NEO1: variants seen among roughly 807,000 people sequenced by gnomAD.
NEO1 encodes neogenin 1, also known as neogenin.
In NEO1, 63 loss-of-function variants were observed where a neutral mutation model predicts 159.7. The ratio of observed to expected loss-of-function variants is 0.39; its 90% CI spans 0.32 to 0.49. The LOEUF is 0.49. Ranked by LOEUF, NEO1 falls within the 20% of genes least tolerant of loss-of-function variation. NEO1 has a pLI of 0.85. For missense variants in NEO1, 1,615 were observed against 1,831.0 expected, an observed-to-expected ratio of 0.88 and a Z score of 2.15; for synonymous variants, 633 against 662.0, an observed-to-expected ratio of 0.96 and a Z score of 0.67.
chr15:73,248,375 C>A (rs775507147), intron 9 of NEO1, among the ~76,000 whole-genome samples: 10 of 152,156 alleles, frequency 6.6e-5, no homozygotes, highest in Non-Finnish European at 8.8e-5. Flanking sequence ...GAGGGTTCTT[C>A]ACTATCTGAC....
At chr15:73,138,487 T>G (rs1380600631) in intron 5 of NEO1, among the ~76,000 whole-genome samples, 1 of 151,632 alleles carries the variant, frequency 6.6e-6, no homozygotes, top group Non-Finnish European at 1.5e-5. Context: ...CCGGGCGCGG[T>G]GGCTCGCGCC....
Position 73,067,963 on chromosome 15 carries a change from T to A in NEO1, c.130+15158T>A, listed in dbSNP as rs886278734. On this transcript the variant is annotated intron_variant, in intron 1 of 28. Transcript: ENST00000261908. Reference sequence around the variant, plus strand: ...TTGTGTGGGTTCCTGTTCTAATATTTCAGGTATAGATGAAAGAAGAGAAAG... The same window carrying A: ...TTGTGTGGGTTCCTGTTCTAATATTACAGGTATAGATGAAAGAAGAGAAAG... Among the ~76,000 whole-genome samples the A allele has an allele frequency of 2.9e-4, 44 of 152,158 alleles. 1 individual carries two copies. The highest frequency in any genetic ancestry group is 2.4e-3 in the Admixed American group (36 of 15,264).
chr15:73,096,712 T>C (rs2070058825), intron 1 of NEO1, among the ~76,000 whole-genome samples: 1 of 152,186 alleles, frequency 6.6e-6, no homozygotes, highest in Non-Finnish European at 1.5e-5. Context: ...AGGGTGACTT[T>C]GTGAGAGTTT....
At chr15:73,099,969 A>T (rs2070306632) in intron 1 of NEO1, among the ~76,000 whole-genome samples, 1 of 152,160 alleles carries the variant, frequency 6.6e-6, no homozygotes, top group South Asian at 2.1e-4. Context: ...TTGTATACTT[A>T]CTGTTCACTT....
At chr15:73,294,028 CGAG>C (rs1426461390) in intron 26 of NEO1, among the ~76,000 whole-genome samples, 1 of 152,068 alleles carries the variant, frequency 6.6e-6, no homozygotes, top group East Asian at 1.9e-4. Context: ...CCACCAGCCA[CGAG>C]GAGTTGTGTG....
chr15:73,264,782 A>G (rs1048136050), intron 15 of NEO1, among the ~76,000 whole-genome samples: 2 of 152,228 alleles, frequency 1.3e-5, no homozygotes, highest in Non-Finnish European at 1.5e-5. Flanking sequence ...GCCCAAAATT[A>G]AAGTTAATGC....
intron 5 of NEO1, among the ~76,000 whole-genome samples, chr15:73,163,525 A>G (rs1178782732): frequency 1.3e-5 from 2 of 152,148 alleles, no homozygotes; most frequent in Non-Finnish European, 2.9e-5. Flanking sequence ...TTGCTCTGCA[A>G]ATTGCTTTTT....
In NEO1 at chr15:73,267,519, C is replaced by T. The variant is rs1016154689; in HGVS notation, c.2494+1108C>T. Among the ~76,000 whole-genome samples the T allele has an allele frequency of 2.7e-4, 40 of 150,910 alleles. No homozygotes were observed. In the East Asian group the frequency reaches 7.6e-3, roughly 29 times the overall value. Reference sequence around the variant, plus strand: ...TCTTCATTTAACATTAGGTATATCTCCTAATGCTATCCCTCCCCCTCCCCC... The same window carrying T: ...TCTTCATTTAACATTAGGTATATCTTCTAATGCTATCCCTCCCCCTCCCCC... On this transcript the variant is annotated intron_variant, in intron 16 of 28. Coordinates refer to ENST00000261908, the MANE Select transcript of NEO1 (RefSeq NM_002499.4).
chr15:73,205,445 G>A (rs2037156030), intron 7 of NEO1, among the ~76,000 whole-genome samples: 2 of 152,130 alleles, frequency 1.3e-5, no homozygotes, highest in Admixed American at 1.3e-4. Flanking sequence ...TTTCATGATG[G>A]TTACTCTTCC....
chr15:73,052,704 T>A lies in NEO1; in HGVS notation c.29T>A (p.Leu10His). MAAERGARRLLSTPSFWLYC... is the reference protein window; with the variant it reads MAAERGARRHLSTPSFWLYC... ...GCGGCGGAGCGGGGAGCCCGGCGAC[T>A]CCTCAGCACCCCCTCCTTCTGGCTC... The change falls in exon 1 of 29, where the codon CTC becomes CAC. Residue 10 changes from leucine to histidine, a missense_variant. By Grantham distance (99) the Leu-to-His change is moderately conservative (BLOSUM62 -3). Coordinates refer to ENST00000261908, the MANE Select transcript of NEO1 (RefSeq NM_002499.4). The A allele has an allele frequency of 7.4e-7, 1 of 1,350,742 alleles. No homozygotes were observed. The highest frequency in any genetic ancestry group is 2.8e-5 in the Admixed American group (1 of 35,828). The allele number at this position is 1,350,742 out of a possible 1,614,324, so 83.7% of individuals were successfully genotyped here.
At chr15:73,141,614 T>G (rs1157145907) in intron 5 of NEO1, among the ~76,000 whole-genome samples, 1 of 152,252 alleles carries the variant, frequency 6.6e-6, no homozygotes, top group Non-Finnish European at 1.5e-5. Context: ...CCCTTTGACA[T>G]TGTAAATACC....
chr15:73,193,365 A>G (rs1409927575), intron 7 of NEO1, among the ~76,000 whole-genome samples: 1 of 151,994 alleles, frequency 6.6e-6, no homozygotes, highest in Non-Finnish European at 1.5e-5. Flanking sequence ...CAGTTAAGTG[A>G]CTTGCCATAA....
chr15:73,171,631 T>TATG (rs1555443744), intron 5 of NEO1, among the ~76,000 whole-genome samples: 1 of 146,800 alleles, frequency 6.8e-6, no homozygotes, highest in Non-Finnish European at 1.5e-5. Flanking sequence ...TTATTATTAT[T>TATG]ATTATTATTA....
chr15:73,281,005 A>T (rs1209247773), intron 22 of NEO1, among the ~76,000 whole-genome samples: 1 of 151,668 alleles, frequency 6.6e-6, no homozygotes, highest in Non-Finnish European at 1.5e-5. Flanking sequence ...GGAGATCGAG[A>T]CCATCCTGGC....
At chr15:73,186,126 C>T (rs2035908087) in intron 7 of NEO1, among the ~76,000 whole-genome samples, 1 of 150,380 alleles carries the variant, frequency 6.6e-6, no homozygotes, top group African/African-American at 2.4e-5. Context: ...AGACACATTA[C>T]ATACAGAGGA....
At chr15:73,221,255 A>G (rs34953385) in intron 7 of NEO1, among the ~76,000 whole-genome samples, 43,905 of 152,052 alleles carry the variant, frequency 0.29, 7,410 homozygotes, top group East Asian at 0.57. Context: ...TTCGTGAACC[A>G]CGAATGCTGC....
At chr15:73,161,477 G>T (rs952850481) in intron 5 of NEO1, among the ~76,000 whole-genome samples, 4 of 152,098 alleles carry the variant, frequency 2.6e-5, no homozygotes, top group Non-Finnish European at 4.4e-5. Flanking sequence ...AAATGCCGAG[G>T]TTATTTCATG....
chr15:73,267,319 T>C (rs1037074728), intron 16 of NEO1, among the ~76,000 whole-genome samples: 3 of 152,238 alleles, frequency 2.0e-5, no homozygotes, highest in African/African-American at 7.2e-5. Flanking sequence ...AATTTTTCTA[T>C]AGATATATAA....
chr15:73,186,327 AAAAAAAAAGGCAACC>A (rs1179180511), intron 7 of NEO1, among the ~76,000 whole-genome samples: 11 of 150,182 alleles, frequency 7.3e-5, no homozygotes, highest in East Asian at 3.9e-4. Context: ...TTAAGTCCTT[AAAAAAAAAGGCAACC>A]AAAAAAAAGG....
Sources: allele counts gnomAD v4.1 joint callset (sites outside exome capture counted in the v4.1 genomes callset), GRCh38; gene constraint gnomAD v4.1.1; transcripts MANE v1.5; gene names NCBI Gene and HGNC (gene_info 2026-07-23, HGNC 2026-07-21).